Variants in LHX8 observed in about 807,000 individuals in gnomAD.
The protein encoded by LHX8 is LIM homeobox 8, also known as LIM/homeobox protein Lhx8.
Under a neutral mutation model 40.3 loss-of-function variants are expected in LHX8, and 12 were observed. The ratio of observed to expected loss-of-function variants is 0.30; its 90% CI spans 0.19 to 0.48. The LOEUF is 0.48. Ranked by LOEUF, LHX8 falls within the 20% of genes least tolerant of loss-of-function variation. LHX8 has a pLI of 0.99. For synonymous variants in LHX8, 179 were observed against 162.0 expected (o/e 1.10, Z -0.80); for missense variants, 344 against 433.7 (o/e 0.79, Z 1.84).
Position 75,156,809 on chromosome 1 carries a change from G to C in LHX8, c.781-84G>C, listed in dbSNP as rs773145517. The C allele has an allele frequency of 6.3e-4, 750 of 1,195,026 alleles. 6 individuals carry two copies. Among genetic ancestry groups the C allele is most frequent in the Middle Eastern group, 4.2e-4 (2 of 4,786 alleles). 74.0% of individuals were successfully genotyped at this position (1,195,026 alleles called of 1,614,324 possible). A position where few individuals can be genotyped will look rare whatever the true frequency, so the allele number is the denominator to read the frequency against. On this transcript the variant is annotated intron_variant, in intron 7 of 8. Coordinates refer to ENST00000356261, the MANE Select transcript of LHX8 (RefSeq NM_001256114.2). ...CTTGTGTGGTAGTGTGATTGAGGTTGCATTCATTTTTTAACTGAGTTGATA... is the reference window on the plus strand; with the variant it reads ...CTTGTGTGGTAGTGTGATTGAGGTTCCATTCATTTTTTAACTGAGTTGATA...
chr1:75,138,800 T>C (rs1648224533), intron 3 of LHX8, among the ~76,000 whole-genome samples: 1 of 152,196 alleles, frequency 6.6e-6, no homozygotes, highest in Non-Finnish European at 1.5e-5. Context: ...TTATATATTA[T>C]ATATCTTTGT....
chr1:75,172,979 G>A, the LHX8 span, among the ~76,000 whole-genome samples: 1 of 152,062 alleles, frequency 6.6e-6, no homozygotes, highest in Non-Finnish European at 1.5e-5. Context: ...AAACCCTAAT[G>A]TCAAACTCTG....
At chr1:75,187,015 C>A in the LHX8 span, among the ~76,000 whole-genome samples, 1 of 152,244 alleles carries the variant, frequency 6.6e-6, no homozygotes, top group East Asian at 1.9e-4. Flanking sequence ...TCAGAATAGA[C>A]AGATGAGTGA....
chr1:75,166,544 G>A, the LHX8 span, among the ~76,000 whole-genome samples: 5 of 152,176 alleles, frequency 3.3e-5, no homozygotes, highest in African/African-American at 1.2e-4. Flanking sequence ...CTAGTTATTA[G>A]CTCATTTCTT....
intron 6 of LHX8, among the ~76,000 whole-genome samples, chr1:75,146,648 A>C (rs1417481952): frequency 6.6e-6 from 1 of 152,196 alleles, no homozygotes; most frequent in African/African-American, 2.4e-5. Flanking sequence ...AGGCTTCAGC[A>C]GCATTAGTGC....
rs1470909249 is a variant in LHX8 at position 75,134,581 on chromosome 1, C to G, written c.-386C>G. On this transcript the variant is annotated 5_prime_UTR_variant, in exon 1 of 9. Transcript: ENST00000356261. Reference sequence around the variant, plus strand: ...CGGCAGACACGGACAGCCTCTGACCCTCTGGAGTTGGTATGTGATAAGCAG... The same window carrying G: ...CGGCAGACACGGACAGCCTCTGACCGTCTGGAGTTGGTATGTGATAAGCAG... Among the ~76,000 whole-genome samples, 1 of 151,984 alleles carries G rather than the reference C, an allele frequency of 6.6e-6. No individual in the cohort carries two copies. Among genetic ancestry groups the G allele is most frequent in the Admixed American group, 6.6e-5 (1 of 15,258 alleles).
the LHX8 span, among the ~76,000 whole-genome samples, chr1:75,197,678 C>T: frequency 3.3e-5 from 5 of 152,114 alleles, no homozygotes; most frequent in East Asian, 1.9e-4. Context: ...GACTGGTAAG[C>T]CATCTTGTTC....
chr1:75,146,144 C>A (rs990607195), intron 6 of LHX8, among the ~76,000 whole-genome samples: 1 of 152,112 alleles, frequency 6.6e-6, no homozygotes, highest in Non-Finnish European at 1.5e-5. Context: ...GTCAAACTCT[C>A]CTACATTTAG....
At chr1:75,175,450 C>T in the LHX8 span, among the ~76,000 whole-genome samples, 3 of 152,126 alleles carry the variant, frequency 2.0e-5, no homozygotes, top group Admixed American at 6.5e-5. Flanking sequence ...CCCTTTTCAC[C>T]ATATCCATGA....
chr1:75,158,922 G>C (rs1371118806), intron 8 of LHX8, among the ~76,000 whole-genome samples: 1 of 152,004 alleles, frequency 6.6e-6, no homozygotes, highest in Non-Finnish European at 1.5e-5. Context: ...CAAATATATT[G>C]ATCAGTTTTA....
chr1:75,129,281 A>C (rs1054884123), intron 1 of LHX8, among the ~76,000 whole-genome samples: 3 of 152,138 alleles, frequency 2.0e-5, no homozygotes, highest in African/African-American at 4.8e-5. Flanking sequence ...CCCATGAAGG[A>C]AGGAAGGCAA....
intron 8 of LHX8, among the ~76,000 whole-genome samples, chr1:75,158,854 T>A (rs1648839504): frequency 6.6e-6 from 1 of 152,154 alleles, no homozygotes; most frequent in African/African-American, 2.4e-5. Flanking sequence ...ATTTACCTAC[T>A]TGTCTATTTC....
In LHX8 at chr1:75,134,759, T is replaced by G. The variant is rs1282530640; in HGVS notation, c.-208T>G. 1 of 190,218 alleles carries G rather than the reference T, an allele frequency of 5.3e-6. No individual in the cohort carries two copies. Among genetic ancestry groups the G allele is most frequent in the Non-Finnish European group, 9.8e-6 (1 of 102,532 alleles). 11.8% of individuals were successfully genotyped at this position (190,218 alleles called of 1,614,324 possible). A position where few individuals can be genotyped will look rare whatever the true frequency, so the allele number is the denominator to read the frequency against. On this transcript the variant is annotated 5_prime_UTR_variant, in exon 1 of 9. Transcript: ENST00000356261. Reference sequence around the variant, plus strand: ...ATCGCAGTGTCCTTGAAACTCGAGTTGTTTGGGCTCCTAAACAAGGTTCAG... The same window carrying G: ...ATCGCAGTGTCCTTGAAACTCGAGTGGTTTGGGCTCCTAAACAAGGTTCAG...
chr1:75,154,166 A>C (rs374578320), intron 7 of LHX8, among the ~76,000 whole-genome samples: 2 of 152,312 alleles, frequency 1.3e-5, no homozygotes, highest in African/African-American at 2.4e-5. Flanking sequence ...AAAAGGACTT[A>C]TACTTGATTC....
chr1:75,176,405 C>T, the LHX8 span, among the ~76,000 whole-genome samples: 133 of 152,294 alleles, frequency 8.7e-4, 1 homozygote, highest in African/African-American at 3.1e-3. Context: ...TTTTGATTTG[C>T]ATTTCTCTGA....
Position 75,134,844 on chromosome 1 carries a change from A to G in LHX8, c.-123A>G, listed in dbSNP as rs888628140. The G allele has an allele frequency of 4.3e-5, 37 of 863,686 alleles. No individual in the cohort carries two copies. The highest frequency in any genetic ancestry group is 5.1e-5 in the Non-Finnish European group (37 of 718,868). 53.5% of individuals were successfully genotyped at this position (863,686 alleles called of 1,614,324 possible). On this transcript the variant is annotated 5_prime_UTR_variant, in exon 1 of 9. Coordinates refer to ENST00000356261, the MANE Select transcript of LHX8 (RefSeq NM_001256114.2). Reference sequence around the variant, plus strand: ...CAATTTTTTTTTTTTATTACGTAGTAGCGTTAGTCAGTAATCATTGCACTC... The same window carrying G: ...CAATTTTTTTTTTTTATTACGTAGTGGCGTTAGTCAGTAATCATTGCACTC...
chr1:75,150,081 G>GA (rs1035079667), intron 7 of LHX8, among the ~76,000 whole-genome samples: 19 of 151,610 alleles, frequency 1.3e-4, no homozygotes, highest in East Asian at 5.8e-4. Context: ...ATCTCTACAG[G>GA]AAAAAAAACA....
At chr1:75,164,855 C>G (rs1020390327), downstream of LHX8, among the ~76,000 whole-genome samples, 7 of 151,136 alleles carry the variant, frequency 4.6e-5, no homozygotes, top group African/African-American at 1.7e-4. Flanking sequence ...TTTGTAGAGA[C>G]TAGGTCTTGC....
At chr1:75,188,936 C>A in the LHX8 span, among the ~76,000 whole-genome samples, 2 of 152,182 alleles carry the variant, frequency 1.3e-5, no homozygotes, top group African/African-American at 4.8e-5. Flanking sequence ...GTCTTCTGAA[C>A]CTTTCCTTCT....
Sources: allele counts gnomAD v4.1 joint callset (sites outside exome capture counted in the v4.1 genomes callset), GRCh38; gene constraint gnomAD v4.1.1; transcripts MANE v1.5; gene names NCBI Gene and HGNC (gene_info 2026-07-23, HGNC 2026-07-21).